Variants in PEAK1 observed in about 807,000 individuals in gnomAD.
The protein encoded by PEAK1 is inactive tyrosine-protein kinase PEAK1.
PEAK1 carries 54 observed loss-of-function variants against 124.7 expected under a neutral mutation model. That is an observed-to-expected ratio of 0.43 (90% CI 0.35 to 0.54). The LOEUF is 0.54. Among genes scored for constraint, PEAK1 ranks in the 20% least tolerant of loss-of-function variants. The pLI, the probability that PEAK1 is intolerant of heterozygous loss-of-function variation, is 0.01. For synonymous variants in PEAK1, 719 were observed against 760.0 expected (o/e 0.95, Z 0.89); for missense variants, 2,046 against 2,134.5 (o/e 0.96, Z 0.82).
intron 2 of PEAK1, among the ~76,000 whole-genome samples, chr15:77,311,235 G>C (rs1257522651): frequency 3.3e-5 from 5 of 152,122 alleles, no homozygotes; most frequent in Non-Finnish European, 7.3e-5. Flanking sequence ...ACAGAGGCTG[G>C]GTACAGGAAT....
intron 6 of PEAK1, among the ~76,000 whole-genome samples, chr15:77,187,939 C>G (rs2057631600): frequency 6.6e-6 from 1 of 152,142 alleles, no homozygotes. Flanking sequence ...GTCACTGTTC[C>G]CAACCTTTCC....
Position 77,112,613 on chromosome 15 carries a change from T to G in PEAK1, c.*1543A>C, listed in dbSNP as rs1241741784. The G allele has an allele frequency of 6.7e-6, 1 of 150,184 alleles. No homozygotes were observed. The highest frequency in any genetic ancestry group is 2.5e-5 in the African/African-American group (1 of 40,676). The allele number at this position is 150,184 out of a possible 1,614,324, so 9.3% of individuals were successfully genotyped here. A position where few individuals can be genotyped will look rare whatever the true frequency, so the allele number is the denominator to read the frequency against. On this transcript the variant is annotated 3_prime_UTR_variant, in exon 10 of 10. Coordinates refer to ENST00000682557, the MANE Select transcript of PEAK1 (RefSeq NM_001385026.1). ...GGATTTCAAGGTCAAAGTAAACACA[T>G]ACTCACAGTTTTGAATAAAACAAGC...
At chr15:77,239,553 C>T (rs1055666810) in intron 6 of PEAK1, among the ~76,000 whole-genome samples, 2 of 152,162 alleles carry the variant, frequency 1.3e-5, no homozygotes, top group Non-Finnish European at 2.9e-5. Flanking sequence ...GCATGGCAAA[C>T]AGCATATGCT....
intron 2 of PEAK1, among the ~76,000 whole-genome samples, chr15:77,327,091 TA>T (rs1271894332): frequency 2.6e-5 from 4 of 152,098 alleles, no homozygotes; most frequent in Non-Finnish European, 5.9e-5. Context: ...CCAAAGTAAC[TA>T]ATAATACCAC....
chr15:77,334,435 T>C lies in PEAK1; in HGVS notation c.-603+30728A>G, dbSNP rs1267872370. On this transcript the variant is annotated intron_variant, in intron 2 of 9. Transcript: ENST00000682557. ...TCCCATCTTGCCAGGCTTCTACTTGTACCTGCTTATCCTTGTTTCCGAGAA... is the reference window on the plus strand; with the variant it reads ...TCCCATCTTGCCAGGCTTCTACTTGCACCTGCTTATCCTTGTTTCCGAGAA... 2.0e-5 allele frequency: 20 copies of C among 985,198 alleles called. No individual in the cohort carries two copies. The Admixed American group carries it at 8.0e-4, about 39-fold the overall frequency. 61.0% of individuals were successfully genotyped at this position (985,198 alleles called of 1,614,324 possible).
At chr15:77,323,996 C>A (rs1001128019) in intron 2 of PEAK1, among the ~76,000 whole-genome samples, 2 of 152,082 alleles carry the variant, frequency 1.3e-5, no homozygotes, top group African/African-American at 2.4e-5. Context: ...TACAACCATC[C>A]GATCTTTGAT....
At chr15:77,342,382 A>G (rs1183048141) in intron 2 of PEAK1, among the ~76,000 whole-genome samples, 1 of 150,272 alleles carries the variant, frequency 6.7e-6, no homozygotes, top group Non-Finnish European at 1.5e-5. Context: ...GATACCTCAT[A>G]TAAGTAGAAT....
intron 1 of PEAK1, 57 bp from the exon 2 acceptor site, chr15:77,365,282 T>C: frequency 5.4e-6 from 4 of 745,656 alleles, no homozygotes; most frequent in Non-Finnish European, 6.5e-6. Context: ...AATCTGAGTA[T>C]GGAAATTTAA....
rs1211408437 is a variant in PEAK1 at position 77,180,978 on chromosome 15, G to T, written c.949C>A (p.Leu317Met). ...VDYDDSYDEI[L>M]NGYEENSVVS... is the part of the protein sequence containing the mutation. ...ACAGAATTTTCCTCATAACCATTCA[G>T]GATTTCATCATAGCTGTCATCATAG... is the stretch of plus-strand genomic sequence containing the variant. Residue 317 changes from leucine (L) to methionine (M), a missense_variant, in exon 7 of 10, where the codon CTG (leucine) becomes ATG (methionine). Coordinates refer to ENST00000682557, the MANE Select transcript of PEAK1 (RefSeq NM_001385026.1). 4 of 1,614,088 alleles carry T rather than the reference G, an allele frequency of 2.5e-6. No homozygotes were observed. The highest frequency in any genetic ancestry group is 3.4e-6 in the Non-Finnish European group (4 of 1,179,988).
chr15:77,188,501 G>A (rs1266459416), intron 6 of PEAK1, among the ~76,000 whole-genome samples: 1 of 152,146 alleles, frequency 6.6e-6, no homozygotes, highest in Non-Finnish European at 1.5e-5. Context: ...AATGTTCCCT[G>A]AAACCACTTT....
rs770000942 is a variant in PEAK1 at position 77,181,038 on chromosome 15, G to A, written c.889C>T (p.Arg297Ter). 1 of 1,614,124 alleles carries A rather than the reference G, an allele frequency of 6.2e-7. No individual in the cohort carries two copies. The highest frequency in any genetic ancestry group is 8.5e-7 in the Non-Finnish European group (1 of 1,180,010). The stretch of plus-strand genomic sequence containing the variant: ...CAGATTCTCTGCAGAGACTTGTTTC[G>A]CAGGGGGATGGTATTCCATTTTTTG... The part of the protein sequence containing the change: ...VDKKWNTIPL[R>*]NKSLQRICAV... The change falls in exon 7 of 10, where the codon CGA becomes TGA. Residue 297 changes from arginine (R) to a stop codon, truncating the protein, a stop_gained. Coordinates refer to ENST00000682557, the MANE Select transcript of PEAK1 (RefSeq NM_001385026.1). LOFTEE classifies it high-confidence loss of function.
chr15:77,304,804 T>C (rs181354992), intron 2 of PEAK1, among the ~76,000 whole-genome samples: 166 of 152,244 alleles, frequency 1.1e-3, no homozygotes, highest in Non-Finnish European at 1.8e-3. Context: ...GGGAGTGCTA[T>C]TGTAAATGGT....
chr15:77,143,331 C>T (rs1456882936), intron 8 of PEAK1, among the ~76,000 whole-genome samples: 1 of 152,188 alleles, frequency 6.6e-6, no homozygotes, highest in Non-Finnish European at 1.5e-5. Context: ...TCATCCTTGC[C>T]TGACAACTGT....
chr15:77,269,279 T>C (rs2061902998), intron 5 of PEAK1, among the ~76,000 whole-genome samples: 1 of 152,158 alleles, frequency 6.6e-6, no homozygotes, highest in Admixed American at 6.6e-5. Context: ...GAGACTCACC[T>C]GACACATAGG....
At chr15:77,268,413 G>A (rs1270434619) in intron 5 of PEAK1, among the ~76,000 whole-genome samples, 1 of 151,800 alleles carries the variant, frequency 6.6e-6, no homozygotes, top group Non-Finnish European at 1.5e-5. Context: ...GGCAGAGGAC[G>A]CAGTGAGCTG....
chr15:77,370,353 T>C (rs988831145), intron 1 of PEAK1, among the ~76,000 whole-genome samples: 2 of 152,104 alleles, frequency 1.3e-5, no homozygotes, highest in African/African-American at 4.8e-5. Context: ...ATCTTGAAAG[T>C]TGTAATAAAT....
chr15:77,375,175 C>T (rs908538185), intron 1 of PEAK1, among the ~76,000 whole-genome samples: 3 of 152,170 alleles, frequency 2.0e-5, no homozygotes, highest in African/African-American at 7.2e-5. Context: ...CACCTATATA[C>T]TATCCCAGGC....
At chr15:77,302,051 G>T (rs1355033696) in intron 2 of PEAK1, among the ~76,000 whole-genome samples, 1 of 151,894 alleles carries the variant, frequency 6.6e-6, no homozygotes, top group Non-Finnish European at 1.5e-5. Context: ...GTCTTGTTTT[G>T]TTTTTTTGAG....
At chr15:77,408,800 A>T (rs967658166) in intron 1 of PEAK1, among the ~76,000 whole-genome samples, 13 of 152,198 alleles carry the variant, frequency 8.5e-5, no homozygotes, top group African/African-American at 3.1e-4. Context: ...GCAGGATGTG[A>T]TGGCTCATGC....
Sources: gnomAD v4.1 joint callset for allele counts (sites outside exome capture counted in the v4.1 genomes callset) on GRCh38, gnomAD v4.1.1 for gene constraint, MANE v1.5 for transcripts, NCBI Gene and HGNC (gene_info 2026-07-23, HGNC 2026-07-21) for gene names.